The following SLC25A21 variants were observed in gnomAD, a reference collection of about 807,000 sequenced individuals.
SLC25A21 encodes the protein solute carrier family 25 member 21.
In SLC25A21, 47 loss-of-function variants were observed where a neutral mutation model predicts 43.8. That is an observed-to-expected ratio of 1.07 (90% CI 0.85 to 1.37). The LOEUF (loss-of-function observed/expected upper bound fraction) is 1.37. Ranked by LOEUF, SLC25A21 falls within the 40% of genes most tolerant of loss-of-function variation. The pLI, the probability that SLC25A21 is intolerant of heterozygous loss-of-function variation, is 0.00. For synonymous variants in SLC25A21, 131 were observed against 121.3 expected, an observed-to-expected ratio of 1.08 and a Z score of -0.52; for missense variants, 352 against 350.2, an observed-to-expected ratio of 1.00 and a Z score of -0.04.
chr14:36,678,438 C>T lies in SLC25A21; in HGVS notation c.*2220G>A. On this transcript the variant is annotated 3_prime_UTR_variant, in exon 10 of 10. Coordinates refer to ENST00000331299, the MANE Select transcript of SLC25A21 (RefSeq NM_030631.4). ...GCAGATGAACTCTCAGGGCCATAGT[C>T]TTCCTTTGATCTTGTAAAACTTCCA... The T allele has an allele frequency of 6.9e-7, 1 of 1,456,264 alleles. No homozygotes were observed. The highest frequency in any genetic ancestry group is 1.2e-5 in the South Asian group (1 of 82,478). The allele number at this position is 1,456,264 out of a possible 1,614,324, so 90.2% of individuals were successfully genotyped here. A position where few individuals can be genotyped will look rare whatever the true frequency, so the allele number is the denominator to read the frequency against.
chr14:36,839,556 C>T (rs1340741099), intron 2 of SLC25A21, among the ~76,000 whole-genome samples: 1 of 152,220 alleles, frequency 6.6e-6, no homozygotes, highest in Non-Finnish European at 1.5e-5. Context: ...ACTACTTTCT[C>T]AATCTGGCTT....
intron 3 of SLC25A21, among the ~76,000 whole-genome samples, chr14:36,750,070 A>G (rs1414755561): frequency 6.6e-6 from 1 of 152,224 alleles, no homozygotes; most frequent in Non-Finnish European, 1.5e-5. Flanking sequence ...AGAGACACTC[A>G]GTAAATATTT....
At chr14:36,818,674 T>C (rs1487589572) in intron 2 of SLC25A21, among the ~76,000 whole-genome samples, 1 of 152,254 alleles carries the variant, frequency 6.6e-6, no homozygotes, top group Non-Finnish European at 1.5e-5. Context: ...ACATGACTTA[T>C]TCTGATCACA....
chr14:37,034,177 C>T (rs1372219861), intron 1 of SLC25A21, among the ~76,000 whole-genome samples: 1 of 152,036 alleles, frequency 6.6e-6, no homozygotes, highest in Non-Finnish European at 1.5e-5. Context: ...CCACTACGCC[C>T]AGCTAATTTT....
intron 7 of SLC25A21, among the ~76,000 whole-genome samples, chr14:36,701,018 T>G (rs1016718300): frequency 3.3e-5 from 5 of 152,172 alleles, no homozygotes; most frequent in Non-Finnish European, 5.9e-5. Context: ...GAAATTTGCA[T>G]TTTAGCTATT....
At chr14:36,714,560 C>T (rs558020249) in intron 6 of SLC25A21, among the ~76,000 whole-genome samples, 18 of 152,290 alleles carry the variant, frequency 1.2e-4, no homozygotes, top group South Asian at 8.3e-4. Flanking sequence ...TAAGGCCATA[C>T]GGGAAGAAAG....
intron 1 of SLC25A21, among the ~76,000 whole-genome samples, chr14:37,025,483 C>A (rs190280198): frequency 1.3e-4 from 20 of 152,086 alleles, no homozygotes; most frequent in Non-Finnish European, 2.6e-4. Flanking sequence ...AGTTAATAAA[C>A]GTGATTATCA....
At chr14:36,900,374 GAGA>G (rs2138596685) in intron 1 of SLC25A21, among the ~76,000 whole-genome samples, 1 of 152,174 alleles carries the variant, frequency 6.6e-6, no homozygotes, top group Admixed American at 6.5e-5. Context: ...GAGGACTATC[GAGA>G]AGGTCAGAGC....
intron 3 of SLC25A21, among the ~76,000 whole-genome samples, chr14:36,750,752 G>C (rs1885676159): frequency 6.6e-6 from 1 of 152,066 alleles, no homozygotes; most frequent in African/African-American, 2.4e-5. Flanking sequence ...TAATGAAGTA[G>C]GGCTGCTCTT....
chr14:36,911,617 C>T (rs1891688501), intron 1 of SLC25A21, among the ~76,000 whole-genome samples: 1 of 152,156 alleles, frequency 6.6e-6, no homozygotes, highest in African/African-American at 2.4e-5. Context: ...CATGCAGAGG[C>T]CTCATTGGGG....
At chr14:37,152,866 T>C (rs2138936748) in intron 1 of SLC25A21, among the ~76,000 whole-genome samples, 1 of 152,290 alleles carries the variant, frequency 6.6e-6, no homozygotes, top group South Asian at 2.1e-4. Context: ...GAGTAGGATT[T>C]TCTGGCTCTA....
intron 1 of SLC25A21, among the ~76,000 whole-genome samples, chr14:37,044,212 C>T (rs1017000923): frequency 6.6e-6 from 1 of 152,036 alleles, no homozygotes; most frequent in African/African-American, 2.4e-5. Context: ...TAAAGTAACA[C>T]AAGCCAAGGA....
chr14:37,026,217 C>T (rs1034533065), intron 1 of SLC25A21, among the ~76,000 whole-genome samples: 2 of 152,130 alleles, frequency 1.3e-5, no homozygotes, highest in African/African-American at 4.8e-5. Flanking sequence ...TGTTTTTCTA[C>T]ATATCATTAG....
rs188836351 is a variant in SLC25A21, at chr14:37,008,332, C to T, written c.71-133328G>A. ...ATGAATTACAGAACAAAATTGTGGA[C>T]ATTTGCCTCAACTATCTTTATCCAG... On this transcript the variant is annotated intron_variant, in intron 1 of 9. Transcript: ENST00000331299. 2.6e-5 allele frequency among the ~76,000 whole-genome samples: 4 copies of T among 152,306 alleles called. No homozygotes were observed. In the East Asian group the frequency reaches 5.8e-4, roughly 22 times the overall value.
intron 1 of SLC25A21, among the ~76,000 whole-genome samples, chr14:36,995,593 G>C (rs1960354888): frequency 6.6e-6 from 1 of 152,152 alleles, no homozygotes. Context: ...CGATGGGAAA[G>C]TCTAATGTTA....
chr14:36,679,833 A>G lies in SLC25A21; in HGVS notation c.*825T>C. 1.0e-6 allele frequency: 1 copy of G among 985,022 alleles called. No homozygotes were observed. The highest frequency in any genetic ancestry group is 1.2e-6 in the Non-Finnish European group (1 of 829,532). The allele number at this position is 985,022 out of a possible 1,614,324, so 61.0% of individuals were successfully genotyped here. The stretch of plus-strand genomic sequence containing the variant: ...TTTCCAATTTGTGATTTAACATGAC[A>G]ATATCTCATCAACAAAACTTATCTT... On this transcript the variant is annotated 3_prime_UTR_variant, in exon 10 of 10. Coordinates refer to ENST00000331299, the MANE Select transcript of SLC25A21 (RefSeq NM_030631.4).
intron 1 of SLC25A21, among the ~76,000 whole-genome samples, chr14:36,919,512 T>C (rs1005301325): frequency 2.0e-5 from 3 of 152,046 alleles, no homozygotes; most frequent in Non-Finnish European, 4.4e-5. Context: ...GCAATTTCTC[T>C]ATCTCCTGAA....
chr14:36,898,678 T>A (rs1891318403), intron 1 of SLC25A21, among the ~76,000 whole-genome samples: 1 of 152,064 alleles, frequency 6.6e-6, no homozygotes, highest in South Asian at 2.1e-4. Context: ...CTTGGCTCCA[T>A]CCCCCAATCT....
intron 2 of SLC25A21, among the ~76,000 whole-genome samples, chr14:36,862,407 C>T (rs1471187044): frequency 6.6e-6 from 1 of 152,188 alleles, no homozygotes; most frequent in African/African-American, 2.4e-5. Context: ...GGCACATATA[C>T]ACCATGGAAT....
Sources: allele counts gnomAD v4.1 joint callset (sites outside exome capture counted in the v4.1 genomes callset), GRCh38; gene constraint gnomAD v4.1.1; transcripts MANE v1.5; gene names NCBI Gene and HGNC (gene_info 2026-07-23, HGNC 2026-07-21).